KIAA1217: variants seen among roughly 807,000 people sequenced by gnomAD.
The protein encoded by KIAA1217 is KIAA1217, also known as sickle tail protein homolog.
Under a neutral mutation model 163.9 loss-of-function variants are expected in KIAA1217, and 88 were observed. The observed-to-expected ratio is 0.54, with a 90% CI of 0.45 to 0.64. KIAA1217 has a LOEUF of 0.64. Among genes scored for constraint, KIAA1217 ranks in the 30% least tolerant of loss-of-function variants. The pLI is 0.00. For missense variants in KIAA1217, 2,372 were observed against 2,475.0 expected, an observed-to-expected ratio of 0.96 and a Z score of 0.88; for synonymous variants, 903 against 923.1, an observed-to-expected ratio of 0.98 and a Z score of 0.39.
At chr10:23,939,897 T>A (rs1843684299) in intron 1 of KIAA1217, among the ~76,000 whole-genome samples, 1 of 150,278 alleles carries the variant, frequency 6.7e-6, no homozygotes, top group Non-Finnish European at 1.5e-5. Flanking sequence ...AAACTATTTA[T>A]TAAATATTAA....
chr10:24,036,998 G>T (rs1848421709), intron 2 of KIAA1217, among the ~76,000 whole-genome samples: 1 of 152,212 alleles, frequency 6.6e-6, no homozygotes, highest in African/African-American at 2.4e-5. Flanking sequence ...GTGAAATCGT[G>T]AGACTCAGGG....
chr10:23,946,017 A>AC lies in KIAA1217; in HGVS notation c.-320-61208_-320-61207insC, dbSNP rs1844024075. On this transcript the variant is annotated intron_variant, in intron 1 of 18. Coordinates refer to the KIAA1217 transcript ENST00000376462. Reference sequence around the variant, plus strand: ...GTTACTTAAGTTCCATGTCAATAGTATTAGGCTGGTGAAATAGTAATTGTG... The same window carrying AC: ...GTTACTTAAGTTCCATGTCAATAGTACTTAGGCTGGTGAAATAGTAATTGTG... 2.6e-5 allele frequency among the ~76,000 whole-genome samples: 4 copies of AC among 152,342 alleles called. No homozygotes were observed. In the South Asian group the frequency reaches 8.3e-4, roughly 32 times the overall value.
chr10:23,999,992 G>A (rs547822758), intron 1 of KIAA1217, among the ~76,000 whole-genome samples: 1 of 152,274 alleles, frequency 6.6e-6, no homozygotes, highest in Admixed American at 6.5e-5. Context: ...CTTGAGCCCA[G>A]GAGTTTGAGC....
chr10:24,529,995 C>T (rs1478746615), intron 14 of KIAA1217, among the ~76,000 whole-genome samples: 1 of 151,896 alleles, frequency 6.6e-6, no homozygotes, highest in Non-Finnish European at 1.5e-5. Flanking sequence ...ATGGGTTTCA[C>T]CGTGTTGGCC....
chr10:24,438,496 T>C lies in KIAA1217; in HGVS notation c.846+17T>C, dbSNP rs1162213454. On this transcript the variant is annotated intron_variant, in intron 5 of 20. Transcript: ENST00000376454. ...GACATGAGGGTAAGTGTTTCTGTCA[T>C]ATTTTTACTTATCTTCAGTGGGTCA... 1 of 1,533,774 alleles carries C rather than the reference T, an allele frequency of 6.5e-7. No individual in the cohort carries two copies. The highest frequency in any genetic ancestry group is 1.1e-5 in the South Asian group (1 of 89,492).
At chr10:24,150,727 G>A (rs1211539021) in intron 2 of KIAA1217, among the ~76,000 whole-genome samples, 1 of 152,088 alleles carries the variant, frequency 6.6e-6, no homozygotes, top group African/African-American at 2.4e-5. Context: ...GATCCCTGAA[G>A]TCCTCATTAG....
intron 1 of KIAA1217, among the ~76,000 whole-genome samples, chr10:23,848,064 G>T (rs1839128232): frequency 6.6e-6 from 1 of 152,116 alleles, no homozygotes; most frequent in Non-Finnish European, 1.5e-5. Context: ...TAATTTGATT[G>T]CACTTGATCT....
chr10:23,941,295 G>A (rs11013803), intron 1 of KIAA1217, among the ~76,000 whole-genome samples: 5,996 of 152,172 alleles, frequency 0.039, 386 homozygotes, highest in African/African-American at 0.14. Context: ...AAGGCTTCTG[G>A]GTTCACGAAT....
intron 1 of KIAA1217, among the ~76,000 whole-genome samples, chr10:23,739,978 T>G (rs1248647850): frequency 1.3e-5 from 2 of 152,140 alleles, no homozygotes; most frequent in Non-Finnish European, 2.9e-5. Flanking sequence ...AAAATTGAGT[T>G]GCCACCTTCT....
chr10:23,980,202 C>T (rs1476814337), intron 1 of KIAA1217, among the ~76,000 whole-genome samples: 4 of 152,116 alleles, frequency 2.6e-5, no homozygotes, highest in Non-Finnish European at 5.9e-5. Context: ...GCCTGTCTGT[C>T]CCGAGAATGG....
intron 2 of KIAA1217, among the ~76,000 whole-genome samples, chr10:24,019,829 T>A (rs2131510442): frequency 6.6e-6 from 1 of 151,620 alleles, no homozygotes; most frequent in African/African-American, 2.4e-5. Flanking sequence ...CAAGATAATC[T>A]AAAAAATAAA....
At chr10:23,724,992 T>C (rs563931190) in intron 1 of KIAA1217, among the ~76,000 whole-genome samples, 36 of 151,858 alleles carry the variant, frequency 2.4e-4, no homozygotes, top group African/African-American at 8.5e-4. Flanking sequence ...TGGTTCTACC[T>C]TAGTTCTACA....
chr10:24,140,266 A>T (rs2064003960), intron 2 of KIAA1217, among the ~76,000 whole-genome samples: 1 of 151,812 alleles, frequency 6.6e-6, no homozygotes, highest in Non-Finnish European at 1.5e-5. Flanking sequence ...AGGCTGAGGC[A>T]GGAGAATGGC....
chr10:24,369,326 G>A (rs944005568), intron 2 of KIAA1217, among the ~76,000 whole-genome samples: 11 of 152,018 alleles, frequency 7.2e-5, no homozygotes, highest in African/African-American at 2.4e-4. Flanking sequence ...GCTATTCCCA[G>A]GATGTATGGG....
intron 2 of KIAA1217, among the ~76,000 whole-genome samples, chr10:24,190,406 C>A (rs1361184687): frequency 6.6e-6 from 1 of 152,168 alleles, no homozygotes; most frequent in Non-Finnish European, 1.5e-5. Context: ...ATCCTTACTT[C>A]GAAAGCCTGA....
intron 2 of KIAA1217, among the ~76,000 whole-genome samples, chr10:24,360,046 T>A (rs929410617): frequency 2.1e-5 from 3 of 139,560 alleles, no homozygotes; most frequent in Non-Finnish European, 3.1e-5. Flanking sequence ...ATTACTTTTT[T>A]TTTTTTTTTT....
intron 1 of KIAA1217, among the ~76,000 whole-genome samples, chr10:23,718,310 G>C (rs191438301): frequency 5.3e-5 from 8 of 152,224 alleles, no homozygotes; most frequent in Admixed American, 2.0e-4. Flanking sequence ...AAGAACACTT[G>C]TATTTCTCCT....
intron 1 of KIAA1217, among the ~76,000 whole-genome samples, chr10:23,760,727 G>A (rs1834218755): frequency 6.6e-6 from 1 of 152,150 alleles, no homozygotes; most frequent in African/African-American, 2.4e-5. Flanking sequence ...GATTGCTTGA[G>A]CTCAGGAGTT....
intron 1 of KIAA1217, among the ~76,000 whole-genome samples, chr10:23,700,427 A>G (rs1027487679): frequency 2.0e-5 from 3 of 152,160 alleles, no homozygotes; most frequent in African/African-American, 7.2e-5. Context: ...CAGCCACAGC[A>G]ATACTACTAA....
Sources: allele counts gnomAD v4.1 joint callset (sites outside exome capture counted in the v4.1 genomes callset), GRCh38; gene constraint gnomAD v4.1.1; transcripts MANE v1.5; gene names NCBI Gene and HGNC (gene_info 2026-07-23, HGNC 2026-07-21).